The following CACNA1C variants were observed in gnomAD, a reference collection of about 807,000 sequenced individuals.
CACNA1C encodes calcium voltage-gated channel subunit alpha1 C, also known as voltage-dependent L-type calcium channel subunit alpha-1C.
A neutral mutation model predicts 229.0 loss-of-function variants in CACNA1C; 30 were observed. The ratio of observed to expected loss-of-function variants is 0.13; its 90% CI spans 0.10 to 0.18. CACNA1C has a LOEUF of 0.18. Among genes scored for constraint, CACNA1C ranks in the 10% least tolerant of loss-of-function variants. The pLI, the probability that CACNA1C is intolerant of heterozygous loss-of-function variation, is 1.00. For missense variants in CACNA1C, 1,658 were observed against 2,845.0 expected, an observed-to-expected ratio of 0.58 and a Z score of 9.49; for synonymous variants, 1,114 against 1,132.5, an observed-to-expected ratio of 0.98 and a Z score of 0.33.
chr12:2,629,828 G>T (rs577510712), intron 29 of CACNA1C, among the ~76,000 whole-genome samples: 6 of 152,298 alleles, frequency 3.9e-5, no homozygotes, highest in African/African-American at 1.4e-4. Flanking sequence ...TCCCAGCAAT[G>T]ATTTTCTGAT....
chr12:2,045,703 T>G (rs1594300468), intron 1 of CACNA1C, among the ~76,000 whole-genome samples: 1 of 152,122 alleles, frequency 6.6e-6, no homozygotes, highest in Middle Eastern at 3.4e-3. Context: ...ATGTTGGACT[T>G]GAGATTCAAG....
At chr12:2,358,745 G>T (rs970646274) in intron 3 of CACNA1C, among the ~76,000 whole-genome samples, 6 of 152,194 alleles carry the variant, frequency 3.9e-5, no homozygotes, top group Non-Finnish European at 7.3e-5. Flanking sequence ...TGTTCTGTGA[G>T]ATCACCTCTT....
intron 13 of CACNA1C, among the ~76,000 whole-genome samples, chr12:2,570,780 G>A (rs2053937115): frequency 6.6e-6 from 1 of 152,164 alleles, no homozygotes; most frequent in African/African-American, 2.4e-5. Context: ...CCTGCTGTGA[G>A]AAATTGGGAG....
At chr12:2,458,454 A>G (rs547190564) in intron 5 of CACNA1C, among the ~76,000 whole-genome samples, 5 of 152,354 alleles carry the variant, frequency 3.3e-5, no homozygotes, top group Non-Finnish European at 5.9e-5. Flanking sequence ...CCCCAGCCCA[A>G]GGTGCTCCTG....
Position 2,566,885 on chromosome 12 carries a change from T to C in CACNA1C, c.1669+303T>C, listed in dbSNP as rs552347757. ...TGCAGCTTGTTTGCCTATCTCAGAC[T>C]CCTGGCTGCCAACTCCCCAGCATGG... On this transcript the variant is annotated intron_variant, in intron 12 of 46. Coordinates refer to ENST00000399655, the MANE Select transcript of CACNA1C (RefSeq NM_000719.7). This position sits in a 1 kb window ranked among gnomAD's most constrained non-coding sequence, Gnocchi z 4.0. Among the ~76,000 whole-genome samples the C allele has an allele frequency of 7.5e-4, 114 of 152,302 alleles. 1 individual carries two copies. The highest frequency in any genetic ancestry group is 2.7e-3 in the African/African-American group (111 of 41,556).
At chr12:2,531,149 T>C (rs1480822345) in intron 9 of CACNA1C, among the ~76,000 whole-genome samples, 1 of 152,238 alleles carries the variant, frequency 6.6e-6, no homozygotes, top group Non-Finnish European at 1.5e-5. Context: ...CATTTTCAGA[T>C]GAGAAAAGTG....
chr12:2,299,954 CTCAGTGTGT>C (rs1184077623), intron 3 of CACNA1C, among the ~76,000 whole-genome samples: 1 of 152,170 alleles, frequency 6.6e-6, no homozygotes, highest in Non-Finnish European at 1.5e-5. Flanking sequence ...ATTGTAGATA[CTCAGTGTGT>C]TCACTGCCAT....
chr12:2,119,852 C>A (rs746853241), intron 2 of CACNA1C, among the ~76,000 whole-genome samples: 2 of 152,264 alleles, frequency 1.3e-5, no homozygotes, highest in African/African-American at 4.8e-5. Flanking sequence ...AAAATAAAAT[C>A]TCCAAATTTC....
intron 3 of CACNA1C, among the ~76,000 whole-genome samples, chr12:2,439,645 G>A (rs1048680611): frequency 2.0e-5 from 3 of 152,120 alleles, no homozygotes; most frequent in Non-Finnish European, 4.4e-5. Context: ...GCAAGAAACT[G>A]ATAGGCAACT....
At chr12:2,234,560 C>T (rs1332544905) in intron 3 of CACNA1C, among the ~76,000 whole-genome samples, 1 of 152,150 alleles carries the variant, frequency 6.6e-6, no homozygotes, top group African/African-American at 2.4e-5. Flanking sequence ...AGCGTTCGCC[C>T]CAGCTTTGAG....
chr12:2,242,313 G>A (rs928231635), intron 3 of CACNA1C, among the ~76,000 whole-genome samples: 25 of 152,176 alleles, frequency 1.6e-4, no homozygotes, highest in African/African-American at 5.6e-4. Context: ...TTGCTACACA[G>A]AGACAGCAAT....
chr12:2,500,956 C>T (rs1369755066), intron 7 of CACNA1C, among the ~76,000 whole-genome samples: 1 of 151,870 alleles, frequency 6.6e-6, no homozygotes, highest in Non-Finnish European at 1.5e-5. Context: ...CCTGTAATCC[C>T]AGCACTTTGG....
intron 1 of CACNA1C, among the ~76,000 whole-genome samples, chr12:2,095,556 C>T (rs996886347): frequency 4.6e-5 from 7 of 152,202 alleles, no homozygotes; most frequent in Non-Finnish European, 1.0e-4. Flanking sequence ...CGGGAGAATC[C>T]GGGCAGCACT....
At chr12:2,168,699 A>AT (rs1555263871) in intron 3 of CACNA1C, among the ~76,000 whole-genome samples, 4 of 151,796 alleles carry the variant, frequency 2.6e-5, no homozygotes, top group African/African-American at 7.3e-5. Context: ...CCTGACTTTG[A>AT]TTTTTTTTCA....
intron 3 of CACNA1C, among the ~76,000 whole-genome samples, chr12:2,304,902 C>T (rs1592222821): frequency 6.6e-6 from 1 of 152,148 alleles, no homozygotes; most frequent in Non-Finnish European, 1.5e-5. Flanking sequence ...GCCGCCATGC[C>T]CGGGGGCTTT....
At chr12:2,580,042 C>T (rs1221096406) in intron 13 of CACNA1C, among the ~76,000 whole-genome samples, 2 of 152,168 alleles carry the variant, frequency 1.3e-5, no homozygotes, top group Non-Finnish European at 2.9e-5. Flanking sequence ...CCAGGCAGTC[C>T]ATCACACATA....
intron 3 of CACNA1C, among the ~76,000 whole-genome samples, chr12:2,386,358 C>T (rs1182617569): frequency 6.6e-6 from 1 of 152,216 alleles, no homozygotes; most frequent in African/African-American, 2.4e-5. Context: ...CAGGATCTGA[C>T]TCTTTCTGCC....
chr12:2,589,566 G>A (rs1240277988), intron 18 of CACNA1C, among the ~76,000 whole-genome samples: 1 of 152,236 alleles, frequency 6.6e-6, no homozygotes, highest in Non-Finnish European at 1.5e-5. Flanking sequence ...CCGGGGCAGG[G>A]CAGGAGGGCA....
intron 5 of CACNA1C, among the ~76,000 whole-genome samples, chr12:2,483,574 A>G (rs561917617): frequency 6.6e-6 from 1 of 152,204 alleles, no homozygotes; most frequent in Non-Finnish European, 1.5e-5. Flanking sequence ...TATAATTAGC[A>G]TGTATTATTT....
Sources: gnomAD v4.1 joint callset for allele counts (sites outside exome capture counted in the v4.1 genomes callset) on GRCh38, gnomAD v4.1.1 for gene constraint, Gnocchi (gnomAD v3.1) non-coding constraint, MANE v1.5 for transcripts, NCBI Gene and HGNC (gene_info 2026-07-23, HGNC 2026-07-21) for gene names.